ANKS1B: variants seen among roughly 807,000 people sequenced by gnomAD.
ANKS1B encodes ankyrin repeat and sterile alpha motif domain-containing protein 1B.
In ANKS1B, 36 loss-of-function variants were observed where a neutral mutation model predicts 148.3. The ratio of observed to expected loss-of-function variants is 0.24; its 90% CI spans 0.19 to 0.32. The LOEUF is 0.32. Among genes scored for constraint, ANKS1B ranks in the 10% least tolerant of loss-of-function variants. ANKS1B has a pLI of 1.00. For missense variants in ANKS1B, 1,157 were observed against 1,542.6 expected (o/e 0.75, Z 4.19); for synonymous variants, 542 against 560.8 (o/e 0.97, Z 0.47).
intron 17 of ANKS1B, chr12:98,954,399 T>C (rs2153092550): frequency 6.6e-6 from 1 of 152,352 alleles, no homozygotes; most frequent in Admixed American, 6.5e-5. Flanking sequence ...ATAGTTTGAA[T>C]GTAACCTCTT....
intron 11 of ANKS1B, among the ~76,000 whole-genome samples, chr12:99,429,307 C>T (rs2095323148): frequency 6.6e-6 from 1 of 152,144 alleles, no homozygotes. Flanking sequence ...ATAAGAAAAA[C>T]AGAGTCATCT....
At chr12:99,087,821 A>G (rs954520362) in intron 15 of ANKS1B, among the ~76,000 whole-genome samples, 1 of 152,214 alleles carries the variant, frequency 6.6e-6, no homozygotes, top group African/African-American at 2.4e-5. Flanking sequence ...TACTATCTCT[A>G]GGTAATCCTG....
At chr12:99,850,247 T>C (rs140862387) in intron 1 of ANKS1B, among the ~76,000 whole-genome samples, 32 of 145,008 alleles carry the variant, frequency 2.2e-4, no homozygotes, top group African/African-American at 8.3e-4. Flanking sequence ...AAATATGGTA[T>C]CTTCGCATTT....
At chr12:99,881,319 C>T (rs1163045402) in intron 1 of ANKS1B, among the ~76,000 whole-genome samples, 1 of 152,170 alleles carries the variant, frequency 6.6e-6, no homozygotes, top group Non-Finnish European at 1.5e-5. Context: ...CCAGGCCATC[C>T]TGTGGCAGTG....
At chr12:99,554,881 G>A (rs1567339072) in intron 9 of ANKS1B, among the ~76,000 whole-genome samples, 5 of 152,068 alleles carry the variant, frequency 3.3e-5, no homozygotes, top group African/African-American at 1.2e-4. Context: ...CCCAGTATCT[G>A]TTGTTCCCTT....
intron 14 of ANKS1B, among the ~76,000 whole-genome samples, chr12:99,230,474 C>T (rs1044458060): frequency 3.0e-4 from 46 of 152,036 alleles, no homozygotes; most frequent in African/African-American, 1.1e-3. Flanking sequence ...AAAACTGTAC[C>T]ATTTTTAAAC....
rs114062462 is a variant in ANKS1B, at chr12:99,043,142, A to G, written c.2778+10015T>C. 4.7e-3 allele frequency among the ~76,000 whole-genome samples: 718 copies of G among 152,186 alleles called. 7 individuals are homozygous for G. The highest frequency in any genetic ancestry group is 0.016 in the African/African-American group (681 of 41,472). ...CCACAACTCTATGCAGTATTTTTTT[A>G]AAAAAGATCATAGTCATGTTTTAAG... On this transcript the variant is annotated intron_variant, in intron 17 of 26. Transcript: ENST00000683438.
intron 12 of ANKS1B, among the ~76,000 whole-genome samples, chr12:99,277,805 T>C (rs750989818): frequency 1.3e-5 from 2 of 152,218 alleles, no homozygotes; most frequent in African/African-American, 2.4e-5. Flanking sequence ...TGAATACACA[T>C]TTATGGGGTG....
chr12:99,465,997 A>T (rs1435079108), intron 10 of ANKS1B, among the ~76,000 whole-genome samples: 1 of 152,168 alleles, frequency 6.6e-6, no homozygotes, highest in African/African-American at 2.4e-5. Flanking sequence ...TTTTTTCAGC[A>T]TCAGACCACA....
At chr12:99,290,098 TC>T in intron 12 of ANKS1B, among the ~76,000 whole-genome samples, 1 of 151,966 alleles carries the variant, frequency 6.6e-6, no homozygotes, top group Non-Finnish European at 1.5e-5. Context: ...CAACTGATAC[TC>T]CAGAAATTCA....
chr12:99,082,908 T>C (rs118177039), intron 16 of ANKS1B, among the ~76,000 whole-genome samples: 72 of 152,252 alleles, frequency 4.7e-4, no homozygotes, highest in Non-Finnish European at 7.6e-4. Flanking sequence ...CTAGGTGCTA[T>C]AGATACAGCA....
intron 8 of ANKS1B, among the ~76,000 whole-genome samples, chr12:99,752,807 T>C (rs187632983): frequency 5.0e-4 from 76 of 152,092 alleles, no homozygotes; most frequent in African/African-American, 1.8e-3. Context: ...TATAAAAATG[T>C]TTATTGAGTA....
At chr12:99,330,992 C>A (rs1011964512) in intron 12 of ANKS1B, among the ~76,000 whole-genome samples, 3 of 151,884 alleles carry the variant, frequency 2.0e-5, no homozygotes, top group Non-Finnish European at 4.4e-5. Context: ...TTTATACATT[C>A]GAGGGTGGTT....
chr12:98,867,642 C>T (rs772978680), intron 17 of ANKS1B, among the ~76,000 whole-genome samples: 10 of 152,080 alleles, frequency 6.6e-5, no homozygotes, highest in South Asian at 2.1e-4. Flanking sequence ...GGGCAGATCA[C>T]GAGATCAGGA....
intron 9 of ANKS1B, among the ~76,000 whole-genome samples, chr12:99,626,043 C>T (rs750362898): frequency 3.2e-4 from 48 of 152,028 alleles, no homozygotes; most frequent in Admixed American, 6.6e-4. Flanking sequence ...TAAAAGATAC[C>T]TAAATCTTTC....
At chr12:99,056,446 C>T (rs1648026347) in intron 16 of ANKS1B, among the ~76,000 whole-genome samples, 2 of 152,170 alleles carry the variant, frequency 1.3e-5, no homozygotes, top group Admixed American at 6.5e-5. Context: ...TTAGTGCTTA[C>T]AAAAACTAAC....
chr12:99,705,071 A>G, intron 8 of ANKS1B, among the ~76,000 whole-genome samples: 1 of 152,138 alleles, frequency 6.6e-6, no homozygotes, highest in East Asian at 1.9e-4. Context: ...ACTACAGAGG[A>G]CTCATGAATT....
At chr12:99,100,402 T>G (rs1409462532) in intron 15 of ANKS1B, among the ~76,000 whole-genome samples, 3 of 152,184 alleles carry the variant, frequency 2.0e-5, no homozygotes, top group African/African-American at 7.2e-5. Flanking sequence ...ACTGAAGTGC[T>G]ATCATGCTGC....
chr12:99,804,826 A>C (rs1038494405), intron 4 of ANKS1B, among the ~76,000 whole-genome samples: 13 of 152,148 alleles, frequency 8.5e-5, no homozygotes, highest in African/African-American at 2.9e-4. Flanking sequence ...ACTAGTTCCA[A>C]GCCTAGGCCT....
Sources: gnomAD v4.1 joint callset for allele counts (sites outside exome capture counted in the v4.1 genomes callset) on GRCh38, gnomAD v4.1.1 for gene constraint, MANE v1.5 for transcripts, NCBI Gene and HGNC (gene_info 2026-07-23, HGNC 2026-07-21) for gene names.